MAP4K3: variants seen among roughly 807,000 people sequenced by gnomAD.
The protein encoded by MAP4K3 is MAPK/ERK kinase kinase kinase 3.
A neutral mutation model predicts 143.5 loss-of-function variants in MAP4K3; 94 were observed. That is an observed-to-expected ratio of 0.65 (90% confidence interval 0.55 to 0.78). The LOEUF (loss-of-function observed/expected upper bound fraction) is 0.78, where lower values mean the gene tolerates loss of function less well. Ranked by LOEUF, MAP4K3 falls within the 30% of genes least tolerant of loss-of-function variation. MAP4K3 has a pLI of 0.00. For synonymous variants in MAP4K3, 416 were observed against 347.2 expected (o/e 1.20, Z -2.20); for missense variants, 1,077 against 1,068.1 (o/e 1.01, Z -0.12).
rs182043301 is a variant in MAP4K3 at position 39,347,415 on chromosome 2, A to T, written c.246-3963T>A. On this transcript the variant is annotated intron_variant, in intron 3 of 33. Coordinates refer to ENST00000263881, the MANE Select transcript of MAP4K3 (RefSeq NM_003618.4). ...TAAATGCCAGCCTAGAGTTCTTAAGATGCAAGCAACTAGGACTTCACACAG... is the reference window on the plus strand; with the variant it reads ...TAAATGCCAGCCTAGAGTTCTTAAGTTGCAAGCAACTAGGACTTCACACAG... Among the ~76,000 whole-genome samples, 197 of 152,302 alleles carry T rather than the reference A, an allele frequency of 1.3e-3. 2 individuals carry two copies. The highest frequency in any genetic ancestry group is 4.6e-3 in the African/African-American group (190 of 41,570).
At chr2:39,251,117 G>T (rs1680141875) in intron 33 of MAP4K3, among the ~76,000 whole-genome samples, 1 of 152,172 alleles carries the variant, frequency 6.6e-6, no homozygotes, top group Admixed American at 6.5e-5. Context: ...ACTGGCTAGG[G>T]GGCCAGGGCG....
intron 19 of MAP4K3, 57 bp downstream of exon 19, chr2:39,290,235 A>C (rs552741509): frequency 7.7e-7 from 1 of 1,306,580 alleles, no homozygotes; most frequent in African/African-American, 1.5e-5. Flanking sequence ...TCAACAAAGT[A>C]TTAAATTGGC....
intron 1 of MAP4K3, among the ~76,000 whole-genome samples, chr2:39,433,746 A>G (rs1665365769): frequency 6.6e-6 from 1 of 152,190 alleles, no homozygotes; most frequent in South Asian, 2.1e-4. Flanking sequence ...AGGTAACCCA[A>G]GCTGCAGGCA....
intron 24 of MAP4K3, among the ~76,000 whole-genome samples, chr2:39,278,105 A>C (rs902309905): frequency 4.6e-5 from 7 of 151,446 alleles, no homozygotes; most frequent in Non-Finnish European, 1.5e-5. Context: ...AACATGGTGA[A>C]ACCCTGTCTC....
chr2:39,329,789 C>T (rs977923884), intron 8 of MAP4K3, among the ~76,000 whole-genome samples: 8 of 152,168 alleles, frequency 5.3e-5, no homozygotes, highest in African/African-American at 1.9e-4. Flanking sequence ...ATCTCTGCTT[C>T]CTTCACTTGA....
intron 1 of MAP4K3, among the ~76,000 whole-genome samples, chr2:39,398,298 A>T (rs1666863733): frequency 6.6e-6 from 1 of 152,166 alleles, no homozygotes; most frequent in Non-Finnish European, 1.5e-5. Context: ...TATAGTAAAA[A>T]AAGAAAAAAA....
In MAP4K3 at chr2:39,250,545, C is replaced by T; in HGVS notation, c.*73G>A. The T allele has an allele frequency of 1.5e-6, 2 of 1,377,854 alleles. No individual in the cohort carries two copies. The highest frequency in any genetic ancestry group is 2.4e-5 in the South Asian group (2 of 81,898). The allele number at this position is 1,377,854 out of a possible 1,614,324, so 85.4% of individuals were successfully genotyped here. ...ACAGGTTACTGCAGCTTTTGTACAG[C>T]TTCAAGCATCCATTAATGTTGCAGT... On this transcript the variant is annotated 3_prime_UTR_variant, in exon 34 of 34. Coordinates refer to ENST00000263881, the MANE Select transcript of MAP4K3 (RefSeq NM_003618.4).
chr2:39,331,513 CA>C (rs1236805269), intron 8 of MAP4K3, among the ~76,000 whole-genome samples: 6 of 151,874 alleles, frequency 4.0e-5, no homozygotes, highest in Non-Finnish European at 8.8e-5. Context: ...CAAGACATGC[CA>C]AAAAGTTTTT....
intron 1 of MAP4K3, among the ~76,000 whole-genome samples, chr2:39,416,005 A>ATATATATATATATATAT (rs57578495): frequency 2.2e-5 from 2 of 91,556 alleles, no homozygotes; most frequent in Admixed American, 1.0e-4. Context: ...ATATATATAT[A>ATATATATATATATATAT]AAAATAACAT....
At chr2:39,418,854 G>T (rs932538013) in intron 1 of MAP4K3, among the ~76,000 whole-genome samples, 3 of 152,130 alleles carry the variant, frequency 2.0e-5, no homozygotes, top group Admixed American at 1.3e-4. Context: ...TCTGCTTAAG[G>T]GGACATAGTA....
chr2:39,415,980 A>AAAAAAAAAATAT (rs1553318573), intron 1 of MAP4K3, among the ~76,000 whole-genome samples: 11 of 14,748 alleles, frequency 7.5e-4, no homozygotes, highest in South Asian at 3.1e-3. Flanking sequence ...AAAAAAAAAA[A>AAAAAAAAAATAT]ATATATATAT....
intron 4 of MAP4K3, among the ~76,000 whole-genome samples, chr2:39,342,725 A>G (rs1269333035): frequency 6.6e-6 from 1 of 152,198 alleles, no homozygotes; most frequent in African/African-American, 2.4e-5. Context: ...GCCCCACACT[A>G]GAAAATAGGA....
At chr2:39,319,791 C>T (rs947476249) in intron 12 of MAP4K3, among the ~76,000 whole-genome samples, 1 of 152,128 alleles carries the variant, frequency 6.6e-6, no homozygotes, top group African/African-American at 2.4e-5. Context: ...TGCTCTTAAT[C>T]CATATGTAAC....
rs114993512 is a variant in MAP4K3, at chr2:39,308,722, T to C, written c.1057-717A>G. Among the ~76,000 whole-genome samples, 1,247 of 152,274 alleles carry C rather than the reference T, an allele frequency of 8.2e-3. 9 individuals are homozygous for C. Among genetic ancestry groups the C allele is most frequent in the Non-Finnish European group, 0.012 (785 of 68,010 alleles). On this transcript the variant is annotated intron_variant, in intron 14 of 33. Coordinates refer to ENST00000263881, the MANE Select transcript of MAP4K3 (RefSeq NM_003618.4). ...TTTGCTTTTATGACTGAATCTAATA[T>C]ATTATCATTTATCTGGAAAGGAGTA...
At chr2:39,325,667 A>G (rs1261518366) in intron 11 of MAP4K3, 39 bp from the exon 12 acceptor site, 1 of 1,562,596 alleles carries the variant, frequency 6.4e-7, no homozygotes, top group African/African-American at 1.4e-5. Flanking sequence ...CTTACTATAA[A>G]TCTGATTGAA....
chr2:39,305,054 G>A (rs955562035), intron 15 of MAP4K3, among the ~76,000 whole-genome samples: 1 of 152,180 alleles, frequency 6.6e-6, no homozygotes, highest in Non-Finnish European at 1.5e-5. Context: ...GGGGCTGGAG[G>A]GAAAAAGGAA....
At position 39,254,651 on chromosome 2, in the gene MAP4K3, G is replaced by A. The variant is rs961548167; in HGVS notation, c.2471-131C>T. On this transcript the variant is annotated intron_variant, in intron 31 of 33. Coordinates refer to ENST00000263881, the MANE Select transcript of MAP4K3 (RefSeq NM_003618.4). Reference sequence around the variant, plus strand: ...ATGTCAGCTATTCCATATTTATATGGCATCTTTACATTTGAAAAGTTTAAA... The same window carrying A: ...ATGTCAGCTATTCCATATTTATATGACATCTTTACATTTGAAAAGTTTAAA... 2.6e-5 allele frequency: 16 copies of A among 615,704 alleles called. No individual in the cohort carries two copies. The African/African-American group carries it at 2.7e-4, about 10-fold the overall frequency. 38.1% of individuals were successfully genotyped at this position (615,704 alleles called of 1,614,324 possible).
In MAP4K3 at chr2:39,437,100, A is replaced by G. The variant is rs987867440; in HGVS notation, c.-113T>C. On this transcript the variant is annotated 5_prime_UTR_variant, in exon 1 of 34. Transcript: ENST00000263881. Reference sequence around the variant, plus strand: ...GCTCCCGGCTCCCCCGGCGGTCACAATCACCCGGCTCCACGCTGCGGCCGC... The same window carrying G: ...GCTCCCGGCTCCCCCGGCGGTCACAGTCACCCGGCTCCACGCTGCGGCCGC... 1.4e-6 allele frequency: 1 copy of G among 692,154 alleles called. No individual in the cohort carries two copies. Among genetic ancestry groups the G allele is most frequent in the South Asian group, 2.3e-5 (1 of 44,216 alleles). 42.9% of individuals were successfully genotyped at this position (692,154 alleles called of 1,614,324 possible).
intron 26 of MAP4K3, among the ~76,000 whole-genome samples, chr2:39,268,988 T>C (rs1038803120): frequency 6.6e-6 from 1 of 152,164 alleles, no homozygotes; most frequent in Non-Finnish European, 1.5e-5. Context: ...CTCAAATTCC[T>C]GAGGCTCAAG....
Sources: allele counts gnomAD v4.1 joint callset (sites outside exome capture counted in the v4.1 genomes callset), GRCh38; gene constraint gnomAD v4.1.1; transcripts MANE v1.5; gene names NCBI Gene and HGNC (gene_info 2026-07-23, HGNC 2026-07-21).